The following SUSD4 variants were observed in gnomAD, a reference collection of about 807,000 sequenced individuals.
The protein encoded by SUSD4 is sushi domain containing 4, also known as sushi domain-containing protein 4.
SUSD4 carries 41 observed loss-of-function variants against 50.5 expected under a neutral mutation model. That is an observed-to-expected ratio of 0.81 (90% CI 0.63 to 1.05). The LOEUF is 1.05. Ranked by LOEUF, SUSD4 falls within the 50% of genes least tolerant of loss-of-function variation. The pLI is 0.00. For missense variants in SUSD4, 580 were observed against 634.7 expected, an observed-to-expected ratio of 0.91 and a Z score of 0.93; for synonymous variants, 257 against 257.3, an observed-to-expected ratio of 1.00 and a Z score of 0.01.
chr1:223,232,369 A>G (rs1302134955), intron 5 of SUSD4, among the ~76,000 whole-genome samples: 2 of 151,556 alleles, frequency 1.3e-5, no homozygotes, highest in African/African-American at 2.4e-5. Context: ...GTGTAGATGT[A>G]TCTCAAAACA....
chr1:223,350,818 C>G (rs1369273927), intron 2 of SUSD4, among the ~76,000 whole-genome samples: 2 of 152,106 alleles, frequency 1.3e-5, no homozygotes, highest in East Asian at 3.9e-4. Flanking sequence ...CTGCAGAGGT[C>G]TCACATTAGG....
In SUSD4 at chr1:223,263,130, C is replaced by A. The variant is rs1773715; in HGVS notation, c.724+1500G>T. ...GCATTTCAAATTGATAAAATCGTAA[C>A]AACGATATCTTTAAAGGGCCCTCTC... is the stretch of plus-strand genomic sequence containing the variant. On this transcript the variant is annotated intron_variant, in intron 5 of 8. Coordinates refer to ENST00000366878, the MANE Select transcript of SUSD4 (RefSeq NM_017982.4). 1.8e-4 allele frequency among the ~76,000 whole-genome samples: 28 copies of A among 152,264 alleles called. 1 individual carries two copies. The highest frequency in any genetic ancestry group is 6.5e-4 in the African/African-American group (27 of 41,552).
At chr1:223,264,523 A>C in intron 5 of SUSD4, 107 bp downstream of exon 5, 1 of 1,506,270 alleles carries the variant, frequency 6.6e-7, no homozygotes, top group Non-Finnish European at 8.9e-7. Context: ...ATGTATTCAG[A>C]GAAGAAAAGT....
In SUSD4 at chr1:223,363,775, G is replaced by C. The variant is rs1371955181; in HGVS notation, c.-36+282C>G. ...GCTGTGCCCACCACAGGAAAGTCTA[G>C]AGCCTCCCCGCGTCTCGGGGCCGCG... is the stretch of plus-strand genomic sequence containing the variant. On this transcript the variant is annotated intron_variant, in intron 1 of 8. Transcript: ENST00000366878. 4.4e-5 allele frequency: 10 copies of C among 227,246 alleles called. No individual in the cohort carries two copies. The East Asian group carries it at 9.7e-4, about 22-fold the overall frequency. The allele number at this position is 227,246 out of a possible 1,614,324, so 14.1% of individuals were successfully genotyped here.
At chr1:223,315,810 T>C (rs1666153105) in intron 2 of SUSD4, among the ~76,000 whole-genome samples, 1 of 152,182 alleles carries the variant, frequency 6.6e-6, no homozygotes, top group African/African-American at 2.4e-5. Context: ...CACCTGAGCC[T>C]GAGTTTCAAG....
chr1:223,229,116 T>G lies in SUSD4; in HGVS notation c.916+81A>C. On this transcript the variant is annotated intron_variant, in intron 6 of 8. Coordinates refer to ENST00000366878, the MANE Select transcript of SUSD4 (RefSeq NM_017982.4). This position sits in a 1 kb window ranked among gnomAD's most constrained non-coding sequence, Gnocchi z 4.7. ...CTGGGTGGGGGAGGAGAGATACAGC[T>G]TGGTACATAACCACCACCCACTATG... The G allele has an allele frequency of 7.2e-7, 1 of 1,389,696 alleles. No homozygotes were observed. The highest frequency in any genetic ancestry group is 1.4e-5 in the South Asian group (1 of 69,846). The allele number at this position is 1,389,696 out of a possible 1,614,324, so 86.1% of individuals were successfully genotyped here.
intron 5 of SUSD4, among the ~76,000 whole-genome samples, chr1:223,262,055 A>G (rs1662161498): frequency 6.6e-6 from 1 of 152,170 alleles, no homozygotes; most frequent in South Asian, 2.1e-4. Flanking sequence ...TTGATATGCT[A>G]TGCTCCCTCC....
At chr1:223,250,276 A>C (rs1004871905) in intron 5 of SUSD4, among the ~76,000 whole-genome samples, 1 of 152,358 alleles carries the variant, frequency 6.6e-6, no homozygotes, top group Non-Finnish European at 1.5e-5. Flanking sequence ...ACAAAAGGAA[A>C]TGCTCAATAA....
chr1:223,357,056 A>G (rs1464714438), intron 2 of SUSD4, among the ~76,000 whole-genome samples: 1 of 152,130 alleles, frequency 6.6e-6, no homozygotes, highest in African/African-American at 2.4e-5. Context: ...GGCCCCAGAA[A>G]CCAGCCACTT....
chr1:223,268,708 G>A (rs767181997), intron 3 of SUSD4, 33 bp from the exon 4 acceptor site: 62 of 1,593,826 alleles, frequency 3.9e-5, no homozygotes, highest in Middle Eastern at 1.7e-4. Flanking sequence ...CATTATTTTT[G>A]GAATTTTAAA....
intron 3 of SUSD4, among the ~76,000 whole-genome samples, chr1:223,273,149 A>AG (rs1663028480): frequency 1.3e-5 from 2 of 152,206 alleles, no homozygotes; most frequent in Admixed American, 1.3e-4. Context: ...GGCAACAGCT[A>AG]GTGCAAAGGC....
chr1:223,296,545 C>T (rs532575694), intron 2 of SUSD4, among the ~76,000 whole-genome samples: 2 of 152,254 alleles, frequency 1.3e-5, no homozygotes, highest in African/African-American at 4.8e-5. Flanking sequence ...TGGGCATGCC[C>T]TCCTGGAACT....
At chr1:223,264,549 T>C in intron 5 of SUSD4, 81 bp downstream of exon 5, 1 of 1,563,636 alleles carries the variant, frequency 6.4e-7, no homozygotes. Flanking sequence ...CCCATCATAA[T>C]TCACAGCTCT....
chr1:223,301,946 C>T (rs1665224427), intron 2 of SUSD4, among the ~76,000 whole-genome samples: 3 of 152,140 alleles, frequency 2.0e-5, no homozygotes, highest in African/African-American at 4.8e-5. Flanking sequence ...TATGGTTTGG[C>T]TCCGTGTCCC....
chr1:223,331,555 T>TC (rs1667174216), intron 2 of SUSD4, among the ~76,000 whole-genome samples: 1 of 152,146 alleles, frequency 6.6e-6, no homozygotes, highest in Non-Finnish European at 1.5e-5. Flanking sequence ...GTCTTTCCAC[T>TC]CCGCCTACTT....
intron 2 of SUSD4, among the ~76,000 whole-genome samples, chr1:223,336,532 T>C (rs1667466934): frequency 6.6e-6 from 1 of 152,208 alleles, no homozygotes. Context: ...CAGAGACTGC[T>C]CTTTCTCTTC....
chr1:223,333,173 C>T (rs746215971), intron 2 of SUSD4, among the ~76,000 whole-genome samples: 2 of 152,140 alleles, frequency 1.3e-5, no homozygotes, highest in African/African-American at 2.4e-5. Flanking sequence ...CACACACCCA[C>T]GGGTGCACAC....
At chr1:223,291,240 C>T (rs1299249177) in intron 3 of SUSD4, among the ~76,000 whole-genome samples, 4 of 151,930 alleles carry the variant, frequency 2.6e-5, no homozygotes, top group Non-Finnish European at 4.4e-5. Context: ...TGCCTGTAAT[C>T]GCAGCACTTT....
rs202136091 is a variant in SUSD4 at position 223,254,378 on chromosome 1, T to TA, written c.724+10251dup. Reference sequence around the variant, plus strand: ...CTAGATCTCTGCACTTACACGGGATTAAAAAAAAAGAGACAGATAATTATA... The same window carrying TA: ...CTAGATCTCTGCACTTACACGGGATTAAAAAAAAAAGAGACAGATAATTATA... On this transcript the variant is annotated intron_variant, in intron 5 of 8. Coordinates refer to ENST00000366878, the MANE Select transcript of SUSD4 (RefSeq NM_017982.4). Among the ~76,000 whole-genome samples the TA allele has an allele frequency of 1.4e-4, 21 of 151,012 alleles. No homozygotes were observed. The East Asian group carries it at 2.3e-3, about 17-fold the overall frequency.
Sources: allele counts gnomAD v4.1 joint callset (sites outside exome capture counted in the v4.1 genomes callset), GRCh38; gene constraint gnomAD v4.1.1; non-coding constraint Gnocchi (gnomAD v3.1); transcripts MANE v1.5; gene names NCBI Gene and HGNC (gene_info 2026-07-23, HGNC 2026-07-21).